ESRRG: variants seen among roughly 807,000 people sequenced by gnomAD.
ESRRG encodes the protein estrogen-related receptor gamma.
ESRRG carries 13 observed loss-of-function variants against 44.0 expected under a neutral mutation model. That is an observed-to-expected ratio of 0.30 (90% CI 0.19 to 0.47). The LOEUF is 0.47. Among genes scored for constraint, ESRRG ranks in the 20% least tolerant of loss-of-function variants. ESRRG has a pLI of 1.00. For missense variants in ESRRG, 395 were observed against 580.6 expected (o/e 0.68, Z 3.29); for synonymous variants, 215 against 214.6 (o/e 1.00, Z -0.02).
At chr1:216,510,431 TA>T (rs2042367405) in intron 6 of ESRRG, among the ~76,000 whole-genome samples, 1 of 152,134 alleles carries the variant, frequency 6.6e-6, no homozygotes, top group Non-Finnish European at 1.5e-5. Context: ...AAAGAGATCC[TA>T]AAAAAATGTG....
intron 2 of ESRRG, among the ~76,000 whole-genome samples, chr1:216,821,332 T>C (rs1390666792): frequency 6.6e-6 from 1 of 152,100 alleles, no homozygotes; most frequent in Non-Finnish European, 1.5e-5. Context: ...ATTTTACCCA[T>C]CCCACTGAAC....
At chr1:217,035,411 G>C (rs947608750) in intron 1 of ESRRG, among the ~76,000 whole-genome samples, 2 of 151,526 alleles carry the variant, frequency 1.3e-5, no homozygotes, top group Non-Finnish European at 2.9e-5. Context: ...AGTCCTAGTG[G>C]GTACATAAGA....
At chr1:216,701,407 T>A (rs2081364810) in intron 1 of ESRRG, 1 of 152,212 alleles carries the variant, frequency 6.6e-6, no homozygotes, top group African/African-American at 2.4e-5. Flanking sequence ...AGAAAGGACC[T>A]GATAGATTTC....
At chr1:216,628,995 TC>T (rs1408339337) in intron 3 of ESRRG, among the ~76,000 whole-genome samples, 1 of 152,168 alleles carries the variant, frequency 6.6e-6, no homozygotes, top group Non-Finnish European at 1.5e-5. Flanking sequence ...CTGCTCTCTT[TC>T]CCTCCACCCT....
chr1:216,885,020 G>A (rs891465518), intron 2 of ESRRG, among the ~76,000 whole-genome samples: 3 of 152,110 alleles, frequency 2.0e-5, no homozygotes, highest in Non-Finnish European at 4.4e-5. Context: ...CTCTCAGCTT[G>A]TACTGGGTCC....
chr1:217,127,274 T>C (rs2092905039), intron 1 of ESRRG, among the ~76,000 whole-genome samples: 2 of 152,328 alleles, frequency 1.3e-5, no homozygotes, highest in African/African-American at 4.8e-5. Context: ...TGCTTATATG[T>C]TTTGGTTATA....
intron 1 of ESRRG, among the ~76,000 whole-genome samples, chr1:216,686,752 A>T (rs2078057442): frequency 6.6e-6 from 1 of 152,166 alleles, no homozygotes; most frequent in South Asian, 2.1e-4. Context: ...CTCTGGATCC[A>T]GGCACTGTGT....
chr1:216,523,504 T>G (rs909757770), intron 5 of ESRRG, among the ~76,000 whole-genome samples: 5 of 54,264 alleles, frequency 9.2e-5, no homozygotes, highest in African/African-American at 3.2e-4. Context: ...TTTTTTTTGT[T>G]TTTTTTTTTT....
chr1:217,091,998 G>T (rs1158757664), upstream of ESRRG, among the ~76,000 whole-genome samples: 1 of 152,138 alleles, frequency 6.6e-6, no homozygotes, highest in Non-Finnish European at 1.5e-5. Context: ...TGTCTTCCAT[G>T]CTGTTTGTCA....
intron 2 of ESRRG, among the ~76,000 whole-genome samples, chr1:216,929,798 C>T (rs183150724): frequency 6.4e-4 from 97 of 152,194 alleles, no homozygotes; most frequent in African/African-American, 2.3e-3. Flanking sequence ...GGACCAGACC[C>T]CCCAGGTCTC....
upstream of ESRRG, among the ~76,000 whole-genome samples, chr1:217,094,604 C>T (rs1005513766): frequency 1.3e-4 from 20 of 152,342 alleles, 1 homozygote; most frequent in South Asian, 2.3e-3. Context: ...GTCAGATGTG[C>T]CTTATCTTAC....
chr1:216,975,477 T>C (rs2072682529), intron 1 of ESRRG, among the ~76,000 whole-genome samples: 2 of 152,238 alleles, frequency 1.3e-5, no homozygotes, highest in African/African-American at 4.8e-5. Context: ...TCTTCTATCA[T>C]GATGCAGTTG....
chr1:216,834,218 T>C (rs1559808376), intron 2 of ESRRG, among the ~76,000 whole-genome samples: 1 of 152,022 alleles, frequency 6.6e-6, no homozygotes, highest in South Asian at 2.1e-4. Context: ...CTAGACAACA[T>C]AGTGAAACTC....
chr1:217,125,026 A>G (rs2092870348), intron 1 of ESRRG, among the ~76,000 whole-genome samples: 1 of 152,204 alleles, frequency 6.6e-6, no homozygotes, highest in African/African-American at 2.4e-5. Context: ...ATATCCAGGG[A>G]TCCACTCCAT....
intron 1 of ESRRG, among the ~76,000 whole-genome samples, chr1:217,009,694 T>A (rs1487706298): frequency 1.3e-5 from 2 of 148,528 alleles, no homozygotes; most frequent in East Asian, 2.0e-4. Flanking sequence ...AGTTTCCTTT[T>A]TCTTTTTCTT....
chr1:216,626,047 C>T (rs2063141911), intron 3 of ESRRG, among the ~76,000 whole-genome samples: 1 of 152,214 alleles, frequency 6.6e-6, no homozygotes, highest in South Asian at 2.1e-4. Flanking sequence ...ACATCCCATG[C>T]ATTCCTCAAA....
intron 2 of ESRRG, among the ~76,000 whole-genome samples, chr1:216,938,398 G>A (rs996332229): frequency 6.6e-6 from 1 of 152,164 alleles, no homozygotes; most frequent in Non-Finnish European, 1.5e-5. Flanking sequence ...CCAGAATCAT[G>A]TAACTGAATG....
intron 1 of ESRRG, among the ~76,000 whole-genome samples, chr1:216,982,232 T>C (rs2074087842): frequency 6.6e-6 from 1 of 152,182 alleles, no homozygotes; most frequent in Non-Finnish European, 1.5e-5. Context: ...AGTTCTCTGA[T>C]TCAGATACCA....
chr1:216,925,829 A>G (rs1458572896), intron 2 of ESRRG, among the ~76,000 whole-genome samples: 1 of 152,006 alleles, frequency 6.6e-6, no homozygotes, highest in Non-Finnish European at 1.5e-5. Flanking sequence ...GTACTCCTGT[A>G]ATCCCAGCTA....
Sources: allele counts gnomAD v4.1 joint callset (sites outside exome capture counted in the v4.1 genomes callset), GRCh38; gene constraint gnomAD v4.1.1; transcripts MANE v1.5; gene names NCBI Gene and HGNC (gene_info 2026-07-23, HGNC 2026-07-21).